STXBP5L: variants seen among roughly 807,000 people sequenced by gnomAD.
The protein encoded by STXBP5L is syntaxin-binding protein 5-like.
A neutral mutation model predicts 144.5 loss-of-function variants in STXBP5L; 65 were observed. The observed-to-expected ratio is 0.45, with a 90% confidence interval of 0.37 to 0.55. The LOEUF (loss-of-function observed/expected upper bound fraction) is 0.55. Ranked by LOEUF, STXBP5L falls within the 20% of genes least tolerant of loss-of-function variation. STXBP5L has a pLI of 0.00. For synonymous variants in STXBP5L, 505 were observed against 469.6 expected, an observed-to-expected ratio of 1.08 and a Z score of -0.97; for missense variants, 1,298 against 1,405.5, an observed-to-expected ratio of 0.92 and a Z score of 1.22.
chr3:121,132,991 T>C (rs1184063927), intron 7 of STXBP5L, among the ~76,000 whole-genome samples: 3 of 152,112 alleles, frequency 2.0e-5, no homozygotes, highest in African/African-American at 7.2e-5. Context: ...ACGGGACTTA[T>C]GGGGTACAAT....
intron 20 of STXBP5L, among the ~76,000 whole-genome samples, chr3:121,347,442 T>G (rs890058466): frequency 1.3e-5 from 2 of 152,236 alleles, no homozygotes; most frequent in Non-Finnish European, 2.9e-5. Flanking sequence ...ACTTGTGGCC[T>G]CTTTTTTCAT....
At chr3:121,082,817 A>C (rs1322338056) in intron 5 of STXBP5L, among the ~76,000 whole-genome samples, 1 of 152,208 alleles carries the variant, frequency 6.6e-6, no homozygotes, top group African/African-American at 2.4e-5. Context: ...TGATTTTTGA[A>C]TATTGAGCTA....
chr3:121,047,691 T>A (rs1191486082), intron 5 of STXBP5L, among the ~76,000 whole-genome samples: 1 of 152,162 alleles, frequency 6.6e-6, no homozygotes, highest in Non-Finnish European at 1.5e-5. Context: ...CTGACTGCCA[T>A]TTGCTTGGTA....
At chr3:121,274,467 A>G (rs539988886) in intron 18 of STXBP5L, among the ~76,000 whole-genome samples, 147 of 152,342 alleles carry the variant, frequency 9.6e-4, no homozygotes, top group Non-Finnish European at 1.5e-3. Flanking sequence ...TTCAACTTTT[A>G]TCTCACATAG....
intron 5 of STXBP5L, among the ~76,000 whole-genome samples, chr3:121,050,415 G>C (rs1006555101): frequency 6.6e-6 from 1 of 152,074 alleles, no homozygotes; most frequent in Non-Finnish European, 1.5e-5. Context: ...TCAGAAGAGA[G>C]TGGGGGCCAA....
At chr3:121,131,289 A>G (rs1321610073) in intron 7 of STXBP5L, among the ~76,000 whole-genome samples, 1 of 152,186 alleles carries the variant, frequency 6.6e-6, no homozygotes, top group Admixed American at 6.6e-5. Context: ...AAGCCTACAT[A>G]AAATGGGTAA....
intron 22 of STXBP5L, among the ~76,000 whole-genome samples, chr3:121,391,202 T>C (rs1259437463): frequency 6.6e-6 from 1 of 152,244 alleles, no homozygotes; most frequent in African/African-American, 2.4e-5. Context: ...TGTGCATGTG[T>C]CATGAAGTTC....
At chr3:121,142,487 T>C (rs1324691522) in intron 7 of STXBP5L, among the ~76,000 whole-genome samples, 2 of 151,926 alleles carry the variant, frequency 1.3e-5, no homozygotes, top group African/African-American at 4.8e-5. Flanking sequence ...TTCTCCAAAA[T>C]AGATAACACG....
chr3:121,410,671 T>G (rs1274513867), intron 23 of STXBP5L, among the ~76,000 whole-genome samples: 3 of 151,880 alleles, frequency 2.0e-5, no homozygotes, highest in Non-Finnish European at 4.4e-5. Flanking sequence ...AGTTTGAGAG[T>G]AGAGAGGAGA....
chr3:121,356,520 G>A (rs1277983804), intron 20 of STXBP5L, among the ~76,000 whole-genome samples: 2 of 152,240 alleles, frequency 1.3e-5, no homozygotes, highest in African/African-American at 2.4e-5. Context: ...GAGTCTCCTT[G>A]TCTGCCCATT....
chr3:121,105,356 G>A (rs1176442269), intron 5 of STXBP5L, among the ~76,000 whole-genome samples: 12 of 151,428 alleles, frequency 7.9e-5, no homozygotes, highest in South Asian at 6.3e-4. Flanking sequence ...AGATCACGCC[G>A]CTGCACTCCA....
chr3:121,005,778 C>A (rs191320513), intron 3 of STXBP5L, among the ~76,000 whole-genome samples: 2 of 152,288 alleles, frequency 1.3e-5, no homozygotes, highest in South Asian at 2.1e-4. Flanking sequence ...TTTCAAAGAA[C>A]ATCTTTATTT....
chr3:121,259,585 C>A (rs1253582060), intron 18 of STXBP5L, among the ~76,000 whole-genome samples: 1 of 151,982 alleles, frequency 6.6e-6, no homozygotes, highest in Non-Finnish European at 1.5e-5. Flanking sequence ...CAGTTCTAGA[C>A]CTTACATTTG....
intron 2 of STXBP5L, among the ~76,000 whole-genome samples, chr3:120,927,789 G>A (rs1445410234): frequency 6.6e-6 from 1 of 152,064 alleles, no homozygotes; most frequent in African/African-American, 2.4e-5. Flanking sequence ...TTTTCTGTAT[G>A]GGCAGTGAAA....
At chr3:121,136,641 A>G (rs140557827) in intron 7 of STXBP5L, among the ~76,000 whole-genome samples, 21 of 152,366 alleles carry the variant, frequency 1.4e-4, no homozygotes, top group African/African-American at 4.8e-4. Context: ...AATGTAAATT[A>G]GTTAAGCCAT....
chr3:121,352,810 G>T (rs1040429115), intron 20 of STXBP5L, among the ~76,000 whole-genome samples: 10 of 152,006 alleles, frequency 6.6e-5, no homozygotes, highest in Non-Finnish European at 1.3e-4. Context: ...ATGATATTGG[G>T]TGTGGGTTTG....
rs183450936 is a variant in STXBP5L, at chr3:120,922,242, G to A, written c.189+12475G>A. Among the ~76,000 whole-genome samples, 23 of 151,910 alleles carry A rather than the reference G, an allele frequency of 1.5e-4. No individual in the cohort carries two copies. In the East Asian group the frequency reaches 2.3e-3, roughly 15 times the overall value. ...TTGTAGCTATTCTAAATGAGATTGC[G>A]TTTTGATTTCTTTGTTCAGATTGTT... On this transcript the variant is annotated intron_variant, in intron 2 of 26. Transcript: ENST00000471454.
At chr3:121,020,702 A>C (rs1945487397) in intron 3 of STXBP5L, among the ~76,000 whole-genome samples, 1 of 152,166 alleles carries the variant, frequency 6.6e-6, no homozygotes, top group Non-Finnish European at 1.5e-5. Flanking sequence ...TTTTCAGACA[A>C]ACAAATTCTG....
At chr3:121,400,708 T>A (rs1157250736) in intron 22 of STXBP5L, among the ~76,000 whole-genome samples, 1 of 152,152 alleles carries the variant, frequency 6.6e-6, no homozygotes, top group East Asian at 1.9e-4. Flanking sequence ...AAGAATGTGC[T>A]CCCTCAGGTC....
Sources: allele counts gnomAD v4.1 joint callset (sites outside exome capture counted in the v4.1 genomes callset), GRCh38; gene constraint gnomAD v4.1.1; transcripts MANE v1.5; gene names NCBI Gene and HGNC (gene_info 2026-07-23, HGNC 2026-07-21).